Variants in DPP6 observed in about 807,000 individuals in gnomAD.
DPP6 encodes dipeptidyl peptidase like 6.
A neutral mutation model predicts 122.6 loss-of-function variants in DPP6; 69 were observed. The ratio of observed to expected loss-of-function variants is 0.56; its 90% CI spans 0.46 to 0.69. The LOEUF is 0.69. Ranked by LOEUF, DPP6 falls within the 30% of genes least tolerant of loss-of-function variation. DPP6 has a pLI of 0.00. For missense variants in DPP6, 928 were observed against 1,116.9 expected (o/e 0.83, Z 2.41); for synonymous variants, 418 against 433.1 (o/e 0.97, Z 0.43).
chr7:154,468,569 A>G (rs1454242004), intron 2 of DPP6, among the ~76,000 whole-genome samples: 1 of 152,230 alleles, frequency 6.6e-6, no homozygotes, highest in Non-Finnish European at 1.5e-5. Flanking sequence ...TAATGCGGTA[A>G]CTCACTAAAG....
chr7:153,938,718 C>T (rs906454556), intron 1 of DPP6, among the ~76,000 whole-genome samples: 18 of 152,280 alleles, frequency 1.2e-4, no homozygotes, highest in African/African-American at 4.1e-4. Context: ...TTTTTAGTTT[C>T]GTATTCCTCA....
At chr7:153,770,595 A>G in the DPP6 span, among the ~76,000 whole-genome samples, 1 of 152,204 alleles carries the variant, frequency 6.6e-6, no homozygotes, top group African/African-American at 2.4e-5. Flanking sequence ...ACTATTCTAC[A>G]GGAGATGTTC....
At chr7:154,364,694 A>G (rs1408942582) in intron 1 of DPP6, among the ~76,000 whole-genome samples, 4 of 152,226 alleles carry the variant, frequency 2.6e-5, no homozygotes, top group Admixed American at 6.5e-5. Flanking sequence ...TTAAAAAGGG[A>G]AAAATCCTCT....
chr7:154,182,204 A>G (rs1389532199), intron 1 of DPP6, among the ~76,000 whole-genome samples: 1 of 152,166 alleles, frequency 6.6e-6, no homozygotes. Flanking sequence ...AAACCTGTAA[A>G]TTTATTTTGG....
rs548133937 is a variant in DPP6, at chr7:154,136,343, G to C, written c.243+83280G>C. Among the ~76,000 whole-genome samples the C allele has an allele frequency of 3.0e-4, 46 of 152,178 alleles. No individual in the cohort carries two copies. In the South Asian group the frequency reaches 9.4e-3, roughly 31 times the overall value. On this transcript the variant is annotated intron_variant, in intron 1 of 25. Transcript: ENST00000377770. Reference sequence around the variant, plus strand: ...TCAGCCTTCCCTGGTGTTCCCAAATGTTCCCTAACTGAAAGGATGTATTAC... The same window carrying C: ...TCAGCCTTCCCTGGTGTTCCCAAATCTTCCCTAACTGAAAGGATGTATTAC...
At chr7:153,951,442 G>A (rs1005360144) in intron 1 of DPP6, among the ~76,000 whole-genome samples, 17 of 152,144 alleles carry the variant, frequency 1.1e-4, no homozygotes, top group African/African-American at 2.9e-4. Flanking sequence ...GAAACGCTAC[G>A]AGACTGAGGA....
intron 1 of DPP6, among the ~76,000 whole-genome samples, chr7:154,375,150 G>C (rs1400605704): frequency 6.6e-6 from 1 of 152,096 alleles, no homozygotes; most frequent in Non-Finnish European, 1.5e-5. Flanking sequence ...GGAGGGTCAA[G>C]AAACGCTTTT....
At chr7:154,382,645 A>G (rs1255811860) in intron 1 of DPP6, among the ~76,000 whole-genome samples, 1 of 152,238 alleles carries the variant, frequency 6.6e-6, no homozygotes, top group African/African-American at 2.4e-5. Context: ...TTGTTAGGGA[A>G]TGAATGAGCT....
intron 5 of DPP6, among the ~76,000 whole-genome samples, chr7:154,616,119 G>T (rs1204231624): frequency 6.6e-6 from 1 of 152,130 alleles, no homozygotes; most frequent in Non-Finnish European, 1.5e-5. Flanking sequence ...GCCCCACCCA[G>T]ATGTCTCTAA....
At chr7:154,348,309 C>T (rs1237150390) in intron 1 of DPP6, among the ~76,000 whole-genome samples, 1 of 152,174 alleles carries the variant, frequency 6.6e-6, no homozygotes, top group Admixed American at 6.5e-5. Flanking sequence ...ACTGACAGTT[C>T]AGTTATAGGC....
chr7:154,004,115 G>T (rs1797802210), intron 1 of DPP6, among the ~76,000 whole-genome samples: 2 of 152,226 alleles, frequency 1.3e-5, no homozygotes, highest in South Asian at 4.1e-4. Context: ...TGTAGTAGAA[G>T]CATGAGTGGA....
chr7:154,833,980 G>A lies in DPP6; in HGVS notation c.1667-19800G>A, dbSNP rs1800831927. ...CACGCAGACAAGAATAAGGACGCCTGTCCTCTGAGTACTCACTGCCCAGTG... is the reference window on the plus strand; with the variant it reads ...CACGCAGACAAGAATAAGGACGCCTATCCTCTGAGTACTCACTGCCCAGTG... On this transcript the variant is annotated intron_variant, in intron 16 of 25. Coordinates refer to ENST00000377770, the MANE Select transcript of DPP6 (RefSeq NM_130797.4). This position sits in a 1 kb window ranked among gnomAD's most constrained non-coding sequence, Gnocchi z 4.3. Among the ~76,000 whole-genome samples, 1 of 152,134 alleles carries A rather than the reference G, an allele frequency of 6.6e-6. No homozygotes were observed. The highest frequency in any genetic ancestry group is 6.5e-5 in the Admixed American group (1 of 15,282).
At chr7:154,359,307 T>A (rs1194205817) in intron 1 of DPP6, among the ~76,000 whole-genome samples, 1 of 152,138 alleles carries the variant, frequency 6.6e-6, no homozygotes, top group Non-Finnish European at 1.5e-5. Context: ...CTGTTGGTGT[T>A]GGGATAAGGG....
At chr7:154,853,720 C>G in intron 16 of DPP6, 60 bp from the exon 17 acceptor site, 1 of 1,485,028 alleles carries the variant, frequency 6.7e-7, no homozygotes, top group Non-Finnish European at 9.1e-7. Context: ...TTTTCTTGTT[C>G]TCGGCTAAAC....
chr7:153,867,805 A>G, the DPP6 span, among the ~76,000 whole-genome samples: 4 of 152,134 alleles, frequency 2.6e-5, no homozygotes, highest in African/African-American at 9.7e-5. Flanking sequence ...GATAGCTCTT[A>G]TTATTTTGAG....
chr7:154,216,502 C>T (rs1443905443), intron 1 of DPP6, among the ~76,000 whole-genome samples: 3 of 152,116 alleles, frequency 2.0e-5, no homozygotes, highest in Non-Finnish European at 4.4e-5. Flanking sequence ...TTCAGGAGCT[C>T]GTGGCTTTGA....
chr7:154,660,039 G>A (rs1411851740), intron 6 of DPP6, among the ~76,000 whole-genome samples: 1 of 152,216 alleles, frequency 6.6e-6, no homozygotes, highest in Non-Finnish European at 1.5e-5. Flanking sequence ...GATTCCTGGT[G>A]TGGATCTATG....
At chr7:154,865,183 T>G (rs768510060) in intron 17 of DPP6, 1 of 152,220 alleles carries the variant, frequency 6.6e-6, no homozygotes, top group Non-Finnish European at 1.5e-5. Context: ...AGCTAACTGA[T>G]AGCAAGAAGC....
chr7:154,088,745 A>C (rs1804608686), intron 1 of DPP6, among the ~76,000 whole-genome samples: 1 of 151,934 alleles, frequency 6.6e-6, no homozygotes, highest in Non-Finnish European at 1.5e-5. Context: ...CACTGTGCTC[A>C]GTTCTAGGAG....
Sources: gnomAD v4.1 joint callset for allele counts (sites outside exome capture counted in the v4.1 genomes callset) on GRCh38, gnomAD v4.1.1 for gene constraint, Gnocchi (gnomAD v3.1) non-coding constraint, MANE v1.5 for transcripts, NCBI Gene and HGNC (gene_info 2026-07-23, HGNC 2026-07-21) for gene names.